The following CDYL2 variants were observed in gnomAD, a reference collection of about 807,000 sequenced individuals.
CDYL2 encodes chromodomain Y like 2, also known as chromodomain Y-like protein 2.
CDYL2 carries 23 observed loss-of-function variants against 49.4 expected under a neutral mutation model. The ratio of observed to expected loss-of-function variants is 0.47; its 90% CI spans 0.34 to 0.66. The LOEUF (loss-of-function observed/expected upper bound fraction) is 0.66. Among genes scored for constraint, CDYL2 ranks in the 30% least tolerant of loss-of-function variants. The pLI is 0.01. For missense variants in CDYL2, 678 were observed against 656.4 expected (o/e 1.03, Z -0.36); for synonymous variants, 360 against 268.8 (o/e 1.34, Z -3.32).
At chr16:80,622,660 C>A (rs916749735) in intron 3 of CDYL2, among the ~76,000 whole-genome samples, 3 of 152,154 alleles carry the variant, frequency 2.0e-5, no homozygotes, top group Admixed American at 1.3e-4. Flanking sequence ...TAGCCCTTTT[C>A]CTCAACTTCA....
intron 2 of CDYL2, among the ~76,000 whole-genome samples, chr16:80,669,930 A>C (rs1909430622): frequency 6.6e-6 from 1 of 152,150 alleles, no homozygotes; most frequent in Non-Finnish European, 1.5e-5. Flanking sequence ...TGCTCTGAGG[A>C]GCTGACTCGG....
At chr16:80,629,272 G>A (rs1179187290) in intron 3 of CDYL2, among the ~76,000 whole-genome samples, 1 of 152,112 alleles carries the variant, frequency 6.6e-6, no homozygotes, top group East Asian at 1.9e-4. Flanking sequence ...ATGAAAGGAG[G>A]CAGACTTATG....
Position 80,603,364 on chromosome 16 carries a change from G to A in CDYL2, c.*1024C>T, listed in dbSNP as rs908763557. 2 of 152,198 alleles carry A rather than the reference G, an allele frequency of 1.3e-5. No individual in the cohort carries two copies. The highest frequency in any genetic ancestry group is 2.9e-5 in the Non-Finnish European group (2 of 68,056). The allele number at this position is 152,198 out of a possible 1,614,324, so 9.4% of individuals were successfully genotyped here. Reference sequence around the variant, plus strand: ...TGTTTCAGGATCATTCAGGCTAAGAGGGCCCTTTAACTCCTTAAAGACAGC... The same window carrying A: ...TGTTTCAGGATCATTCAGGCTAAGAAGGCCCTTTAACTCCTTAAAGACAGC... On this transcript the variant is annotated 3_prime_UTR_variant, in exon 7 of 7. Transcript: ENST00000570137.
At chr16:80,605,508 C>T (rs1463779279) in intron 6 of CDYL2, among the ~76,000 whole-genome samples, 1 of 149,434 alleles carries the variant, frequency 6.7e-6, no homozygotes, top group African/African-American at 2.4e-5. Flanking sequence ...ATAGTCACAA[C>T]AAAGAGCAAT....
chr16:80,764,060 C>CA (rs1440367598), intron 1 of CDYL2, among the ~76,000 whole-genome samples: 2 of 151,380 alleles, frequency 1.3e-5, no homozygotes, highest in Admixed American at 6.6e-5. Flanking sequence ...AAGGACAAGA[C>CA]AAAAAAAGTC....
intron 1 of CDYL2, among the ~76,000 whole-genome samples, chr16:80,761,881 T>TAAAAAAAA (rs371781974): frequency 4.1e-5 from 5 of 122,498 alleles, no homozygotes; most frequent in African/African-American, 8.7e-5. Context: ...AGGAGAAAAT[T>TAAAAAAAA]AAAAAAAAAA....
At chr16:80,764,681 A>T (rs972993970) in intron 1 of CDYL2, among the ~76,000 whole-genome samples, 9 of 152,172 alleles carry the variant, frequency 5.9e-5, no homozygotes, top group African/African-American at 2.2e-4. Context: ...TGTAGTGGTC[A>T]TCGCCATCCG....
intron 1 of CDYL2, among the ~76,000 whole-genome samples, chr16:80,756,080 T>C (rs1031480350): frequency 1.3e-4 from 20 of 151,934 alleles, no homozygotes; most frequent in Non-Finnish European, 1.5e-4. Flanking sequence ...AAAACTACAA[T>C]CATAAGAAAA....
At position 80,708,717 on chromosome 16, in the gene CDYL2, T is replaced by C. The variant is rs1002827825; in HGVS notation, c.25-23588A>G. Among the ~76,000 whole-genome samples, 4 of 152,254 alleles carry C rather than the reference T, an allele frequency of 2.6e-5. No homozygotes were observed. In the East Asian group the frequency reaches 5.8e-4, roughly 22 times the overall value. On this transcript the variant is annotated intron_variant, in intron 1 of 6. Coordinates refer to ENST00000570137, the MANE Select transcript of CDYL2 (RefSeq NM_152342.4). ...ATCAGCTGGTAGTCAAATTTCCTTT[T>C]AAAAATGAACAAATAAATAAAACAC... is the stretch of plus-strand genomic sequence containing the variant.
At chr16:80,635,507 G>A (rs1209610790) in intron 2 of CDYL2, among the ~76,000 whole-genome samples, 3 of 152,202 alleles carry the variant, frequency 2.0e-5, no homozygotes, top group South Asian at 2.1e-4. Context: ...AACTTACAAG[G>A]GATGTGAAGG....
intron 2 of CDYL2, among the ~76,000 whole-genome samples, chr16:80,666,405 C>T (rs866500742): frequency 6.6e-6 from 1 of 152,192 alleles, no homozygotes; most frequent in Non-Finnish European, 1.5e-5. Context: ...TCTCTCATAG[C>T]AAAGAACTGC....
intron 1 of CDYL2, among the ~76,000 whole-genome samples, chr16:80,757,553 A>AATATATAT (rs1555535735): frequency 2.8e-5 from 4 of 143,854 alleles, no homozygotes; most frequent in African/African-American, 8.0e-5. Flanking sequence ...AAAAAAAAAA[A>AATATATAT]ATATATATAT....
intron 1 of CDYL2, among the ~76,000 whole-genome samples, chr16:80,790,684 T>C (rs1199068175): frequency 6.6e-6 from 1 of 152,214 alleles, no homozygotes; most frequent in Non-Finnish European, 1.5e-5. Context: ...CTTCCAACAG[T>C]TCACAGACGA....
At chr16:80,721,859 G>C (rs187519675) in intron 1 of CDYL2, among the ~76,000 whole-genome samples, 107 of 152,172 alleles carry the variant, frequency 7.0e-4, no homozygotes, top group African/African-American at 2.4e-3. Context: ...CCTTTGCCCT[G>C]TCCACCTCTC....
At chr16:80,726,172 AAGATTCT>A (rs1326254068) in intron 1 of CDYL2, among the ~76,000 whole-genome samples, 12 of 152,226 alleles carry the variant, frequency 7.9e-5, no homozygotes, top group Admixed American at 7.9e-4. Flanking sequence ...AGTTCCGTAT[AAGATTCT>A]ATTTTTGCGT....
chr16:80,680,646 G>C (rs1909933261), intron 2 of CDYL2, among the ~76,000 whole-genome samples: 1 of 152,166 alleles, frequency 6.6e-6, no homozygotes, highest in Admixed American at 6.5e-5. Context: ...CTGCAAGCAA[G>C]GCAGAGAAAC....
At chr16:80,803,510 G>C (rs964448339) in intron 1 of CDYL2, among the ~76,000 whole-genome samples, 2 of 152,006 alleles carry the variant, frequency 1.3e-5, no homozygotes, top group African/African-American at 2.4e-5. Context: ...GTCCGAGCTG[G>C]TGCGGGGGCA....
chr16:80,783,955 T>C (rs948024103), intron 1 of CDYL2, among the ~76,000 whole-genome samples: 1 of 152,158 alleles, frequency 6.6e-6, no homozygotes, highest in Non-Finnish European at 1.5e-5. Flanking sequence ...AAAATGAACA[T>C]TGAAAATGTT....
upstream of CDYL2, among the ~76,000 whole-genome samples, chr16:80,804,825 G>A (rs1344447059): frequency 6.6e-6 from 1 of 151,334 alleles, no homozygotes; most frequent in African/African-American, 2.4e-5. Context: ...CGGCCGGGGA[G>A]CCAGGTAGAG....
Sources: allele counts gnomAD v4.1 joint callset (sites outside exome capture counted in the v4.1 genomes callset), GRCh38; gene constraint gnomAD v4.1.1; transcripts MANE v1.5; gene names NCBI Gene and HGNC (gene_info 2026-07-23, HGNC 2026-07-21).